Variants in SSUH2 observed in about 807,000 individuals in gnomAD.
The protein encoded by SSUH2 is ssu-2 homolog.
A neutral mutation model predicts 55.3 loss-of-function variants in SSUH2; 47 were observed. That is an observed-to-expected ratio of 0.85 (90% CI 0.67 to 1.08). The LOEUF (loss-of-function observed/expected upper bound fraction) is 1.08, where lower values mean the gene tolerates loss of function less well. SSUH2 is among the 50% of genes least tolerant of loss of function. SSUH2 has a pLI of 0.00. For missense variants in SSUH2, 535 were observed against 490.7 expected (o/e 1.09, Z -0.85); for synonymous variants, 212 against 191.5 (o/e 1.11, Z -0.89).
chr3:8,634,717 C>T (rs542479925), intron 3 of SSUH2: 15 of 513,672 alleles, frequency 2.9e-5, no homozygotes, highest in African/African-American at 7.9e-5. Context: ...CAGAAGCCCC[C>T]GGGAGAAGCC....
chr3:8,649,004 C>T (rs933789930), upstream of SSUH2, among the ~76,000 whole-genome samples: 2 of 152,134 alleles, frequency 1.3e-5, no homozygotes, highest in East Asian at 1.9e-4. Context: ...CCTGACTCAC[C>T]CTGGGCCTTC....
chr3:8,659,695 C>A, intron 6 of SSUH2: 1 of 446,146 alleles, frequency 2.2e-6, no homozygotes, highest in Non-Finnish European at 4.5e-6. Flanking sequence ...CAGTATTCAT[C>A]CATCTACCAT....
chr3:8,628,949 G>A (rs1484408006), intron 7 of SSUH2, among the ~76,000 whole-genome samples: 1 of 152,254 alleles, frequency 6.6e-6, no homozygotes, highest in African/African-American at 2.4e-5. Flanking sequence ...TCTGCCTCCT[G>A]GGTTCACGCC....
chr3:8,628,866 G>T (rs1698143538), intron 7 of SSUH2, among the ~76,000 whole-genome samples: 1 of 152,060 alleles, frequency 6.6e-6, no homozygotes, highest in Admixed American at 6.5e-5. Flanking sequence ...TTTGTTTTTT[G>T]TTTTTTTGAG....
At chr3:8,672,807 T>C (rs1004921925) in intron 3 of SSUH2, among the ~76,000 whole-genome samples, 7 of 152,152 alleles carry the variant, frequency 4.6e-5, no homozygotes, top group African/African-American at 1.4e-4. Context: ...TGAGGAGGAA[T>C]ATCACCAGGT....
intron 3 of SSUH2, among the ~76,000 whole-genome samples, chr3:8,672,715 C>T (rs1704733749): frequency 6.8e-6 from 1 of 147,536 alleles, no homozygotes; most frequent in Non-Finnish European, 1.5e-5. Flanking sequence ...TCTCCCCCTC[C>T]GGATATTAGG....
At chr3:8,625,679 C>G (rs201603747) in intron 9 of SSUH2, 32 bp from the exon 10 acceptor site, 1 of 1,471,520 alleles carries the variant, frequency 6.8e-7, no homozygotes, top group East Asian at 2.3e-5. Context: ...GATGAAAGCA[C>G]ACAGTGTGGC....
In SSUH2 at chr3:8,642,067, T is replaced by C. The variant is rs145612424; in HGVS notation, c.28+2664A>G. On this transcript the variant is annotated intron_variant, in intron 1 of 11. Coordinates refer to ENST00000544814, the MANE Select transcript of SSUH2 (RefSeq NM_001256748.3). Reference sequence around the variant, plus strand: ...GTAAAAAGGTACAACCCATGTCTTATAGTCCTAGACCAGAAAAGCTGCCTC... The same window carrying C: ...GTAAAAAGGTACAACCCATGTCTTACAGTCCTAGACCAGAAAAGCTGCCTC... Among the ~76,000 whole-genome samples the C allele has an allele frequency of 1.9e-3, 291 of 152,322 alleles. 2 individuals are homozygous for C. The highest frequency in any genetic ancestry group is 6.8e-3 in the African/African-American group (281 of 41,572).
chr3:8,635,848 TCCA>T lies in SSUH2; in HGVS notation c.35_37del (p.Val12del). On this transcript the variant is annotated inframe_deletion, in exon 2 of 12. Transcript: ENST00000544814. ...AGGACTCTCGGCCTCAAAACTGAGG[TCCA>T]CCACACCTGCAGAAAGACAAGCATT... 6.5e-7 allele frequency: 1 copy of T among 1,535,906 alleles called. No homozygotes were observed. The highest frequency in any genetic ancestry group is 8.7e-7 in the Non-Finnish European group (1 of 1,146,822).
At chr3:8,636,397 A>T (rs973765865) in intron 1 of SSUH2, among the ~76,000 whole-genome samples, 1 of 152,140 alleles carries the variant, frequency 6.6e-6, no homozygotes, top group Non-Finnish European at 1.5e-5. Flanking sequence ...CAGCAAAGCC[A>T]TCCTGGACCC....
Position 8,619,794 on chromosome 3 carries a change from G to C in SSUH2, c.*74C>G. On this transcript the variant is annotated 3_prime_UTR_variant, in exon 12 of 12. Coordinates refer to ENST00000544814, the MANE Select transcript of SSUH2 (RefSeq NM_001256748.3). ...GTGATTGTCCAATGCAGCCAACAGTGAACACACTCAGAGAGTGTCGGCCAT... is the reference window on the plus strand; with the variant it reads ...GTGATTGTCCAATGCAGCCAACAGTCAACACACTCAGAGAGTGTCGGCCAT... 1.3e-6 allele frequency: 2 copies of C among 1,542,004 alleles called. No individual in the cohort carries two copies. The highest frequency in any genetic ancestry group is 1.8e-6 in the Non-Finnish European group (2 of 1,135,772).
chr3:8,643,226 A>C (rs1249488460), intron 1 of SSUH2, among the ~76,000 whole-genome samples: 2 of 152,194 alleles, frequency 1.3e-5, no homozygotes, highest in East Asian at 3.8e-4. Flanking sequence ...ATCCTGCAAG[A>C]TGACACCATC....
At position 8,632,059 on chromosome 3, in the gene SSUH2, T is replaced by C; in HGVS notation, c.390A>G (p.Gln130=). 1.9e-6 allele frequency: 3 copies of C among 1,613,716 alleles called. No homozygotes were observed. The highest frequency in any genetic ancestry group is 2.2e-5 in the South Asian group (2 of 91,048). ...SESRISEWTF[Q]PFTNHSVDGP... ...AGACAATTCACTTACTAGTAAAGGG[T>C]TGAAATGTCCACTCGCTTATCCTGG... The change falls in exon 5 of 12, where the codon CAA becomes CAG. Residue 130 remains glutamine (Q), a synonymous_variant. Coordinates refer to ENST00000544814, the MANE Select transcript of SSUH2 (RefSeq NM_001256748.3).
intron 1 of SSUH2, among the ~76,000 whole-genome samples, chr3:8,636,183 A>T (rs78270273): frequency 0.056 from 8,529 of 152,232 alleles, 440 homozygotes; most frequent in East Asian, 0.17. Flanking sequence ...CTTTCATGGA[A>T]ACTGGGAAGA....
chr3:8,627,698 CT>C lies in SSUH2; in HGVS notation c.673del (p.Arg225AspfsTer109). 1 of 1,582,888 alleles carries C rather than the reference CT, an allele frequency of 6.3e-7. No homozygotes were observed. The highest frequency in any genetic ancestry group is 8.6e-7 in the Non-Finnish European group (1 of 1,164,042). ...CGCGGTGCTGGGGAGATGCCCCTACCTTCGCCTGCCGGACCCCGCGCACAGC... is the reference window on the plus strand; with the variant it reads ...CGCGGTGCTGGGGAGATGCCCCTACCTCGCCTGCCGGACCCCGCGCACAGC... The part of the protein sequence containing the change: ...CQLCAGSGRR[R>X]CSTCSGRGNK... On this transcript the variant is annotated frameshift_variant and splice_region_variant, in exon 8 of 12. Coordinates refer to ENST00000544814, the MANE Select transcript of SSUH2 (RefSeq NM_001256748.3). LOFTEE classifies it high-confidence loss of function.
At chr3:8,627,876 C>G (rs1575080637) in intron 7 of SSUH2, 93 bp from the exon 8 acceptor site, 1 of 1,091,910 alleles carries the variant, frequency 9.2e-7, no homozygotes, top group Non-Finnish European at 1.3e-6. Context: ...AGCCTGGTGA[C>G]CTTCCTCCCC....
intron 7 of SSUH2, among the ~76,000 whole-genome samples, chr3:8,658,176 T>C (rs756884970): frequency 4.6e-5 from 7 of 152,260 alleles, no homozygotes; most frequent in Non-Finnish European, 1.0e-4. Flanking sequence ...TATTACAGGC[T>C]AAGAGATGAC....
At chr3:8,669,987 C>T (rs1323995729) in intron 5 of SSUH2, among the ~76,000 whole-genome samples, 2 of 152,166 alleles carry the variant, frequency 1.3e-5, no homozygotes, top group African/African-American at 4.8e-5. Context: ...GTTGTCCTGG[C>T]ATTAATTTCT....
upstream of SSUH2, among the ~76,000 whole-genome samples, chr3:8,648,452 C>T (rs755430653): frequency 6.6e-6 from 1 of 152,160 alleles, no homozygotes; most frequent in African/African-American, 2.4e-5. Context: ...TGAGAAACTA[C>T]GATGCCCGCA....
Sources: allele counts gnomAD v4.1 joint callset (sites outside exome capture counted in the v4.1 genomes callset), GRCh38; gene constraint gnomAD v4.1.1; transcripts MANE v1.5; gene names NCBI Gene and HGNC (gene_info 2026-07-23, HGNC 2026-07-21).